KAZN: variants seen among roughly 807,000 people sequenced by gnomAD.
KAZN encodes the protein kazrin, periplakin interacting protein, also known as kazrin.
In KAZN, 40 loss-of-function variants were observed where a neutral mutation model predicts 87.4. The ratio of observed to expected loss-of-function variants is 0.46; its 90% CI spans 0.36 to 0.60. The LOEUF (loss-of-function observed/expected upper bound fraction) is 0.60, where lower values mean the gene tolerates loss of function less well. Ranked by LOEUF, KAZN falls within the 20% of genes least tolerant of loss-of-function variation. The probability of loss-of-function intolerance (pLI) is 0.00; values close to 1 mark genes in which losing one functional copy is unlikely to be tolerated. For synonymous variants in KAZN, 466 were observed against 458.3 expected (o/e 1.02, Z -0.22); for missense variants, 898 against 1,073.9 (o/e 0.84, Z 2.29).
intron 1 of KAZN, among the ~76,000 whole-genome samples, chr1:14,717,201 C>T (rs1572300794): frequency 6.6e-6 from 1 of 151,856 alleles, no homozygotes; most frequent in Non-Finnish European, 1.5e-5. Context: ...TGGATGTGGA[C>T]TCTGTAGGCA....
intron 2 of KAZN, among the ~76,000 whole-genome samples, chr1:14,551,395 T>C (rs1011547131): frequency 1.4e-4 from 21 of 152,344 alleles, no homozygotes; most frequent in African/African-American, 5.1e-4. Flanking sequence ...ATTAAACCCC[T>C]GTAGAGAATT....
intron 2 of KAZN, among the ~76,000 whole-genome samples, chr1:14,537,986 G>C (rs538245538): frequency 1.3e-5 from 2 of 152,312 alleles, no homozygotes; most frequent in African/African-American, 4.8e-5. Flanking sequence ...TCCAAGGGCA[G>C]GCATCTTTGG....
At chr1:14,937,306 C>A (rs1211144447) in intron 1 of KAZN, among the ~76,000 whole-genome samples, 3 of 152,172 alleles carry the variant, frequency 2.0e-5, no homozygotes, top group Non-Finnish European at 4.4e-5. Flanking sequence ...CTTAGAGCAC[C>A]TACTTGGGGC....
At chr1:15,058,590 C>A (rs1345060397) in intron 5 of KAZN, among the ~76,000 whole-genome samples, 3 of 152,226 alleles carry the variant, frequency 2.0e-5, no homozygotes, top group Admixed American at 2.0e-4. Context: ...ACCTTCCATT[C>A]AACCACTATT....
At chr1:14,141,123 A>G (rs1645226032) in intron 1 of KAZN, among the ~76,000 whole-genome samples, 1 of 151,852 alleles carries the variant, frequency 6.6e-6, no homozygotes, top group Admixed American at 6.6e-5. Flanking sequence ...AGCTGTTTCT[A>G]GATCATTCTT....
chr1:15,085,183 A>G (rs1387832496), intron 8 of KAZN, among the ~76,000 whole-genome samples: 2 of 152,234 alleles, frequency 1.3e-5, no homozygotes, highest in East Asian at 1.9e-4. Flanking sequence ...CACAGAGATG[A>G]GATGAAAACT....
chr1:15,069,815 G>A (rs951211108), intron 8 of KAZN, among the ~76,000 whole-genome samples: 7 of 152,284 alleles, frequency 4.6e-5, no homozygotes, highest in African/African-American at 1.4e-4. Flanking sequence ...TGGTGTCCTG[G>A]TTTTTCAATA....
At chr1:14,898,887 G>C (rs1655552483) in intron 1 of KAZN, among the ~76,000 whole-genome samples, 1 of 152,142 alleles carries the variant, frequency 6.6e-6, no homozygotes, top group South Asian at 2.1e-4. Context: ...TGTCCCTGAA[G>C]TGCCAATATG....
At chr1:15,042,122 G>C (rs1672985803) in intron 3 of KAZN, among the ~76,000 whole-genome samples, 1 of 152,212 alleles carries the variant, frequency 6.6e-6, no homozygotes, top group South Asian at 2.1e-4. Flanking sequence ...CCCTTGGTCT[G>C]TTCGTGAGTA....
intron 1 of KAZN, among the ~76,000 whole-genome samples, chr1:14,904,588 G>A (rs982357269): frequency 2.6e-5 from 4 of 152,170 alleles, no homozygotes; most frequent in Admixed American, 6.5e-5. Flanking sequence ...AGGCCCGTGC[G>A]CCACATGTCA....
At chr1:14,126,034 G>C (rs1051439280) in intron 1 of KAZN, among the ~76,000 whole-genome samples, 6 of 152,150 alleles carry the variant, frequency 3.9e-5, no homozygotes, top group African/African-American at 1.4e-4. Flanking sequence ...TTTAGGGTTT[G>C]TTGTAAGTGG....
chr1:14,672,207 C>T (rs865959712), intron 1 of KAZN, among the ~76,000 whole-genome samples: 1 of 152,180 alleles, frequency 6.6e-6, no homozygotes, highest in Non-Finnish European at 1.5e-5. Context: ...CATTTGCATT[C>T]CCCCAGCTGG....
intron 2 of KAZN, among the ~76,000 whole-genome samples, chr1:14,505,640 G>A (rs1302790155): frequency 6.6e-6 from 1 of 152,168 alleles, no homozygotes; most frequent in Admixed American, 6.5e-5. Context: ...GGGAGAATGA[G>A]AACTGATTGT....
intron 2 of KAZN, among the ~76,000 whole-genome samples, chr1:14,191,277 A>G (rs1570976926): frequency 1.3e-5 from 2 of 152,174 alleles, no homozygotes; most frequent in East Asian, 3.9e-4. Flanking sequence ...AATGGACTAT[A>G]ATGAGGGGCA....
intron 3 of KAZN, among the ~76,000 whole-genome samples, chr1:15,036,332 C>T (rs1672311570): frequency 2.7e-5 from 4 of 147,514 alleles, no homozygotes; most frequent in South Asian, 2.2e-4. Flanking sequence ...CTGCCCCGCC[C>T]GGCTCCCCCT....
chr1:14,611,043 G>A (rs1677778124), intron 1 of KAZN, among the ~76,000 whole-genome samples: 1 of 152,192 alleles, frequency 6.6e-6, no homozygotes, highest in Admixed American at 6.5e-5. Flanking sequence ...CAGGTGAATG[G>A]AAGTTTATCC....
At chr1:14,948,943 G>A (rs1662144890) in intron 1 of KAZN, among the ~76,000 whole-genome samples, 1 of 152,048 alleles carries the variant, frequency 6.6e-6, no homozygotes, top group Non-Finnish European at 1.5e-5. Context: ...GATCACTTGA[G>A]GTCATGAGTT....
chr1:14,133,063 TG>T (rs1645024282), intron 1 of KAZN, among the ~76,000 whole-genome samples: 1 of 152,146 alleles, frequency 6.6e-6, no homozygotes, highest in African/African-American at 2.4e-5. Context: ...TATTACATTC[TG>T]GTGATTTGAA....
chr1:14,273,019 G>C (rs188926292), intron 2 of KAZN, among the ~76,000 whole-genome samples: 108 of 152,256 alleles, frequency 7.1e-4, no homozygotes, highest in African/African-American at 2.4e-3. Flanking sequence ...TGGAAGCTTA[G>C]AGAGAGGAAA....
Sources: gnomAD v4.1 joint callset for allele counts (sites outside exome capture counted in the v4.1 genomes callset) on GRCh38, gnomAD v4.1.1 for gene constraint, MANE v1.5 for transcripts, NCBI Gene and HGNC (gene_info 2026-07-23, HGNC 2026-07-21) for gene names.